The following NECTIN3 variants were observed in gnomAD, a reference collection of about 807,000 sequenced individuals.
The protein encoded by NECTIN3 is nectin cell adhesion molecule 3.
A neutral mutation model predicts 49.4 loss-of-function variants in NECTIN3; 8 were observed. That is an observed-to-expected ratio of 0.16 (90% confidence interval 0.10 to 0.29). The LOEUF (loss-of-function observed/expected upper bound fraction) is 0.29, where lower values mean the gene tolerates loss of function less well. Among genes scored for constraint, NECTIN3 ranks in the 10% least tolerant of loss-of-function variants. The pLI, the probability that NECTIN3 is intolerant of heterozygous loss-of-function variation, is 1.00. For missense variants in NECTIN3, 581 were observed against 654.6 expected, an observed-to-expected ratio of 0.89 and a Z score of 1.23; for synonymous variants, 277 against 241.1, an observed-to-expected ratio of 1.15 and a Z score of -1.38.
intron 1 of NECTIN3, among the ~76,000 whole-genome samples, chr3:111,108,991 A>C (rs1488684819): frequency 2.6e-5 from 4 of 152,170 alleles, no homozygotes; most frequent in Admixed American, 2.6e-4. Context: ...CTTAAACAGC[A>C]GACATTTATT....
chr3:111,157,295 A>G (rs1205890641), intron 7 of NECTIN3, among the ~76,000 whole-genome samples: 1 of 146,382 alleles, frequency 6.8e-6, no homozygotes, highest in Non-Finnish European at 1.5e-5. Flanking sequence ...ATAGCAAAAT[A>G]CATATGTTAC....
At chr3:111,075,328 T>A (rs2031105576) in intron 1 of NECTIN3, 1 of 152,120 alleles carries the variant, frequency 6.6e-6, no homozygotes, top group African/African-American at 2.4e-5. Flanking sequence ...TCTTCTTCCT[T>A]CCCTGTCCTT....
downstream of NECTIN3, among the ~76,000 whole-genome samples, chr3:111,138,626 T>C (rs746844158): frequency 6.6e-6 from 1 of 151,636 alleles, no homozygotes; most frequent in Non-Finnish European, 1.5e-5. Context: ...TATTTCAATT[T>C]AGAAGGATAA....
At chr3:111,122,023 TA>T in intron 3 of NECTIN3, 97 bp from the exon 4 acceptor site, 2 of 823,958 alleles carry the variant, frequency 2.4e-6, no homozygotes, top group Non-Finnish European at 3.9e-6. Context: ...TGGTTCCTGT[TA>T]TTCTAAGGCT....
intron 7 of NECTIN3, among the ~76,000 whole-genome samples, chr3:111,173,474 A>C (rs2035470341): frequency 6.6e-6 from 1 of 152,206 alleles, no homozygotes; most frequent in Non-Finnish European, 1.5e-5. Flanking sequence ...CAATTGGTTC[A>C]ATGTCTGTAA....
chr3:111,134,293 C>T lies in NECTIN3; in HGVS notation c.*78C>T. On this transcript the variant is annotated 3_prime_UTR_variant, in exon 6 of 6. Transcript: ENST00000485303. ...CATTTTCAGATTGTTCATACTTTTTCTTGAGGAAGAATAAGCTTTTTCAAG... is the reference window on the plus strand; with the variant it reads ...CATTTTCAGATTGTTCATACTTTTTTTTGAGGAAGAATAAGCTTTTTCAAG... The T allele has an allele frequency of 6.7e-7, 1 of 1,484,072 alleles. No individual in the cohort carries two copies. Among genetic ancestry groups the T allele is most frequent in the East Asian group, 2.3e-5 (1 of 42,796 alleles). 91.9% of individuals were successfully genotyped at this position (1,484,072 alleles called of 1,614,324 possible).
At chr3:111,173,429 G>A (rs1328134814) in intron 7 of NECTIN3, among the ~76,000 whole-genome samples, 2 of 152,170 alleles carry the variant, frequency 1.3e-5, no homozygotes, top group African/African-American at 4.8e-5. Flanking sequence ...GTTCATGGCA[G>A]TCCTATACCT....
Position 111,072,016 on chromosome 3 carries a change from G to C in NECTIN3, c.-2G>C. On this transcript the variant is annotated 5_prime_UTR_variant, in exon 1 of 6. Transcript: ENST00000485303. ...GCGAGCGGGCCGGGGGGAGGGTGGG[G>C]GATGGCGCGGACCCTGCGGCCGTCC... The C allele has an allele frequency of 6.6e-7, 1 of 1,508,286 alleles. No individual in the cohort carries two copies. Among genetic ancestry groups the C allele is most frequent in the Non-Finnish European group, 8.9e-7 (1 of 1,127,798 alleles). 93.4% of individuals were successfully genotyped at this position (1,508,286 alleles called of 1,614,324 possible).
chr3:111,131,175 A>G (rs2034375027), intron 5 of NECTIN3, among the ~76,000 whole-genome samples: 1 of 152,042 alleles, frequency 6.6e-6, no homozygotes, highest in African/African-American at 2.4e-5. Context: ...TTTACGGGGC[A>G]TTACATGACT....
At chr3:111,147,232 T>C (rs1456788364) in intron 6 of NECTIN3, among the ~76,000 whole-genome samples, 1 of 152,190 alleles carries the variant, frequency 6.6e-6, no homozygotes, top group Non-Finnish European at 1.5e-5. Context: ...TTTTTGATCT[T>C]TGATAGATTA....
chr3:111,157,361 A>G (rs1243703688), intron 7 of NECTIN3, among the ~76,000 whole-genome samples: 1 of 152,082 alleles, frequency 6.6e-6, no homozygotes, highest in Non-Finnish European at 1.5e-5. Context: ...CCAAACAAAA[A>G]ACTTAGAACT....
chr3:111,091,669 A>T (rs1015562340), intron 1 of NECTIN3, among the ~76,000 whole-genome samples: 6 of 152,128 alleles, frequency 3.9e-5, no homozygotes, highest in African/African-American at 1.4e-4. Context: ...ATATTCTGTT[A>T]TGTAGATATC....
intron 1 of NECTIN3, among the ~76,000 whole-genome samples, chr3:111,089,789 A>G (rs1378004615): frequency 1.3e-5 from 2 of 151,914 alleles, no homozygotes; most frequent in Non-Finnish European, 2.9e-5. Flanking sequence ...AGTTGGTTGC[A>G]TTGTTCAAAT....
At chr3:111,099,458 T>C (rs1195865920) in intron 1 of NECTIN3, among the ~76,000 whole-genome samples, 1 of 152,186 alleles carries the variant, frequency 6.6e-6, no homozygotes, top group African/African-American at 2.4e-5. Context: ...GTATGTCTTA[T>C]TTTCTTTTCT....
intron 4 of NECTIN3, among the ~76,000 whole-genome samples, chr3:111,122,895 T>C (rs1295623749): frequency 3.3e-5 from 5 of 152,082 alleles, no homozygotes; most frequent in Admixed American, 1.3e-4. Context: ...TTGAATAATT[T>C]TCTTATTTTT....
intron 7 of NECTIN3, among the ~76,000 whole-genome samples, chr3:111,155,749 G>A (rs925181141): frequency 6.6e-6 from 1 of 152,074 alleles, no homozygotes; most frequent in Admixed American, 6.6e-5. Context: ...GTCTATATAT[G>A]GACTTTTGAG....
chr3:111,164,398 G>A (rs1315824299), intron 7 of NECTIN3, among the ~76,000 whole-genome samples: 1 of 152,152 alleles, frequency 6.6e-6, no homozygotes, highest in Non-Finnish European at 1.5e-5. Flanking sequence ...TGCATAGTCA[G>A]CCTTCAAAGG....
intron 7 of NECTIN3, among the ~76,000 whole-genome samples, chr3:111,185,374 G>C (rs2035701178): frequency 6.6e-6 from 1 of 152,068 alleles, no homozygotes; most frequent in Non-Finnish European, 1.5e-5. Context: ...TCCATGATCT[G>C]GGATCCCAGT....
At chr3:111,126,396 CAA>C in intron 5 of NECTIN3, 61 bp downstream of exon 5, 1 of 1,332,572 alleles carries the variant, frequency 7.5e-7, no homozygotes, top group African/African-American at 1.5e-5. Context: ...ATCATAGTAA[CAA>C]TATGATCCTA....
Sources: gnomAD v4.1 joint callset for allele counts (sites outside exome capture counted in the v4.1 genomes callset) on GRCh38, gnomAD v4.1.1 for gene constraint, MANE v1.5 for transcripts, NCBI Gene and HGNC (gene_info 2026-07-23, HGNC 2026-07-21) for gene names.